The following EXOC4 variants were observed in gnomAD, a reference collection of about 807,000 sequenced individuals.
The protein encoded by EXOC4 is exocyst complex component 4, also known as SEC8-like 1.
In EXOC4, 71 loss-of-function variants were observed where a neutral mutation model predicts 107.2. The ratio of observed to expected loss-of-function variants is 0.66; its 90% CI spans 0.55 to 0.81. The LOEUF is 0.81. EXOC4 is among the 30% of genes least tolerant of loss of function. The probability of loss-of-function intolerance (pLI) is 0.00; values close to 1 mark genes in which losing one functional copy is unlikely to be tolerated. For synonymous variants in EXOC4, 456 were observed against 441.2 expected (o/e 1.03, Z -0.42); for missense variants, 1,108 against 1,189.6 (o/e 0.93, Z 1.01).
At chr7:133,611,484 C>T (rs1032757036) in intron 9 of EXOC4, among the ~76,000 whole-genome samples, 1 of 152,158 alleles carries the variant, frequency 6.6e-6, no homozygotes, top group African/African-American at 2.4e-5. Flanking sequence ...TCTTTAATAG[C>T]TTTTCATTGT....
At chr7:133,719,399 G>A (rs1190138108) in intron 10 of EXOC4, among the ~76,000 whole-genome samples, 1 of 152,028 alleles carries the variant, frequency 6.6e-6, no homozygotes, top group African/African-American at 2.4e-5. Context: ...ATAGTGTGGT[G>A]GTAGGCATTC....
rs180987582 is a variant in EXOC4 at position 133,276,983 on chromosome 7, C to T, written c.276+1812C>T. Reference sequence around the variant, plus strand: ...ACTGGGCATTTTTTTTTTTTTGAGACGGAGTTTAATTCTTGTTGCCCAGGC... The same window carrying T: ...ACTGGGCATTTTTTTTTTTTTGAGATGGAGTTTAATTCTTGTTGCCCAGGC... On this transcript the variant is annotated intron_variant, in intron 2 of 17. Transcript: ENST00000253861. Among the ~76,000 whole-genome samples, 516 of 148,664 alleles carry T rather than the reference C, an allele frequency of 3.5e-3. 3 individuals are homozygous for T. The highest frequency in any genetic ancestry group is 0.012 in the African/African-American group (499 of 40,278).
chr7:133,796,224 A>G (rs1796811039), intron 10 of EXOC4, among the ~76,000 whole-genome samples: 1 of 152,190 alleles, frequency 6.6e-6, no homozygotes, highest in Non-Finnish European at 1.5e-5. Context: ...CTCAGATCAG[A>G]TGAAAGAACT....
intron 9 of EXOC4, among the ~76,000 whole-genome samples, chr7:133,489,998 T>C (rs1397262381): frequency 6.6e-6 from 1 of 152,164 alleles, no homozygotes; most frequent in Non-Finnish European, 1.5e-5. Context: ...TTTGGGTCAT[T>C]CTCTTATTGG....
chr7:133,467,584 C>CTTT (rs35955637), intron 7 of EXOC4, among the ~76,000 whole-genome samples: 16 of 122,648 alleles, frequency 1.3e-4, no homozygotes, highest in East Asian at 2.4e-4. Flanking sequence ...ATTACAGATT[C>CTTT]TTTTTTTTTT....
At chr7:133,433,255 A>G (rs889309367) in intron 7 of EXOC4, among the ~76,000 whole-genome samples, 7 of 152,150 alleles carry the variant, frequency 4.6e-5, no homozygotes, top group Non-Finnish European at 7.4e-5. Context: ...CCCACTCCCA[A>G]TAGCCCCCCA....
rs559550697 is a variant in EXOC4, at chr7:133,936,144, G to T, written c.2028-1747G>T. The stretch of plus-strand genomic sequence containing the variant: ...TGCAGAATTCAGGGCCCCACCCCAA[G>T]ACCTTTTCCAAGCCCCTCAGATCAG... On this transcript the variant is annotated intron_variant, in intron 13 of 17. Transcript: ENST00000253861. Among the ~76,000 whole-genome samples the T allele has an allele frequency of 9.2e-5, 14 of 152,222 alleles. No homozygotes were observed. The East Asian group carries it at 2.7e-3, about 29-fold the overall frequency.
At chr7:133,479,799 G>T in intron 8 of EXOC4, 1 of 480,810 alleles carries the variant, frequency 2.1e-6, no homozygotes, top group Non-Finnish European at 3.8e-6. Flanking sequence ...GATCACAGTT[G>T]TACCAGTTGA....
At chr7:133,355,662 A>G (rs192767184) in intron 5 of EXOC4, among the ~76,000 whole-genome samples, 1 of 152,240 alleles carries the variant, frequency 6.6e-6, no homozygotes, top group African/African-American at 2.4e-5. Flanking sequence ...GACATATAAC[A>G]TTACTTCTCA....
chr7:134,083,137 G>C, the EXOC4 span, among the ~76,000 whole-genome samples: 1 of 152,146 alleles, frequency 6.6e-6, no homozygotes, highest in Non-Finnish European at 1.5e-5. Flanking sequence ...CATATTTGCT[G>C]GTCATAAGCA....
intron 9 of EXOC4, among the ~76,000 whole-genome samples, chr7:133,622,158 A>G (rs1802349393): frequency 6.6e-6 from 1 of 152,128 alleles, no homozygotes; most frequent in Non-Finnish European, 1.5e-5. Context: ...AATTTTGTGT[A>G]GAGATAGGGT....
chr7:133,257,104 G>A (rs535954297), intron 1 of EXOC4, among the ~76,000 whole-genome samples: 1 of 152,348 alleles, frequency 6.6e-6, no homozygotes, highest in South Asian at 2.1e-4. Flanking sequence ...CTTTACAGAA[G>A]AGGCCCTTAG....
At chr7:133,779,525 G>T (rs1796416061) in intron 10 of EXOC4, among the ~76,000 whole-genome samples, 1 of 152,202 alleles carries the variant, frequency 6.6e-6, no homozygotes, top group African/African-American at 2.4e-5. Flanking sequence ...TTAGGTCAGA[G>T]GACTTATCCT....
intron 10 of EXOC4, among the ~76,000 whole-genome samples, chr7:133,681,902 C>CATTATT (rs570468236): frequency 1.3e-5 from 2 of 151,312 alleles, no homozygotes; most frequent in Non-Finnish European, 2.9e-5. Flanking sequence ...AATTGGTAGC[C>CATTATT]ATTATTATTA....
chr7:133,454,290 CATTTATTTT>C (rs1798414278), intron 7 of EXOC4, among the ~76,000 whole-genome samples: 1 of 152,206 alleles, frequency 6.6e-6, no homozygotes, highest in Admixed American at 6.5e-5. Context: ...ACACTGCTTT[CATTTATTTT>C]ATTTATTTTA....
intron 7 of EXOC4, among the ~76,000 whole-genome samples, chr7:133,462,807 T>C (rs1392458808): frequency 6.6e-6 from 1 of 152,162 alleles, no homozygotes; most frequent in Admixed American, 6.6e-5. Flanking sequence ...TGGGAGTTAT[T>C]TAAGAAACAG....
intron 7 of EXOC4, among the ~76,000 whole-genome samples, chr7:133,395,107 G>A (rs1289715054): frequency 7.4e-6 from 1 of 135,202 alleles, no homozygotes; most frequent in South Asian, 2.3e-4. Flanking sequence ...CAATACTTTT[G>A]CCTTTTTTTT....
downstream of EXOC4, among the ~76,000 whole-genome samples, chr7:134,069,310 T>TCCTTC (rs67106949): frequency 0.72 from 92,943 of 129,754 alleles, 33,683 homozygotes; most frequent in East Asian, 0.85. Flanking sequence ...TCCTCCTCCT[T>TCCTTC]TCTTCCTTCT....
rs546154513 is a variant in EXOC4, at chr7:133,756,286, A to G, written c.1515-61039A>G. 6.6e-5 allele frequency among the ~76,000 whole-genome samples: 10 copies of G among 152,272 alleles called. No homozygotes were observed. The South Asian group carries it at 2.1e-3, about 32-fold the overall frequency. On this transcript the variant is annotated intron_variant, in intron 10 of 17. Transcript: ENST00000253861. ...AGTACTCATGTTACAATTTAAGGTA[A>G]AGGGTGGGGGTATTTAGCTGAGGAA...
Sources: gnomAD v4.1 joint callset for allele counts (sites outside exome capture counted in the v4.1 genomes callset) on GRCh38, gnomAD v4.1.1 for gene constraint, MANE v1.5 for transcripts, NCBI Gene and HGNC (gene_info 2026-07-23, HGNC 2026-07-21) for gene names.